DOCK3: variants seen among roughly 807,000 people sequenced by gnomAD.
DOCK3 encodes dedicator of cytokinesis 3, also known as dedicator of cytokinesis protein 3.
Under a neutral mutation model 265.6 loss-of-function variants are expected in DOCK3, and 60 were observed. The ratio of observed to expected loss-of-function variants is 0.23; its 90% CI spans 0.18 to 0.28. The LOEUF (loss-of-function observed/expected upper bound fraction) is 0.28, where lower values mean the gene tolerates loss of function less well. Ranked by LOEUF, DOCK3 falls within the 10% of genes least tolerant of loss-of-function variation. The pLI is 1.00. For synonymous variants in DOCK3, 881 were observed against 938.0 expected (o/e 0.94, Z 1.11); for missense variants, 1,981 against 2,594.3 (o/e 0.76, Z 5.14).
intron 26 of DOCK3, 123 bp from the exon 27 acceptor site, chr3:51,279,983 A>G (rs1330648057): frequency 2.7e-6 from 2 of 738,170 alleles, no homozygotes; most frequent in Non-Finnish European, 4.5e-6. Flanking sequence ...TAGATTTGTC[A>G]TCTTTCTTCC....
chr3:50,911,548 G>T (rs2049853953), intron 4 of DOCK3, among the ~76,000 whole-genome samples: 2 of 151,940 alleles, frequency 1.3e-5, no homozygotes, highest in Admixed American at 1.3e-4. Flanking sequence ...ATGTTGTTTT[G>T]GTTACTGTGG....
chr3:51,229,642 T>C, intron 19 of DOCK3, 33 bp downstream of exon 19: 1 of 1,515,136 alleles, frequency 6.6e-7, no homozygotes, highest in Non-Finnish European at 8.9e-7. Context: ...ACATACTGCA[T>C]GAGGAAGAAT....
chr3:50,706,635 T>C (rs2036430777), intron 1 of DOCK3, among the ~76,000 whole-genome samples: 1 of 152,206 alleles, frequency 6.6e-6, no homozygotes, highest in African/African-American at 2.4e-5. Context: ...GTGTTTGTCT[T>C]TCGCAAGACT....
intron 3 of DOCK3, among the ~76,000 whole-genome samples, chr3:50,874,066 G>GTTTTTTTTTTTTTTTTTTTTTT (rs3043436): frequency 9.4e-6 from 1 of 106,228 alleles, no homozygotes; most frequent in African/African-American, 3.2e-5. Context: ...CTTTTCTTTT[G>GTTTTTTTTTTTTTTTTTTTTTT]TTTTTTTTTT....
At chr3:51,305,733 C>CATGTGT (rs760662613) in intron 27 of DOCK3, among the ~76,000 whole-genome samples, 14 of 135,624 alleles carry the variant, frequency 1.0e-4, no homozygotes, top group East Asian at 4.9e-4. Flanking sequence ...TGTGTGTGTG[C>CATGTGT]GCGTGTGTGT....
intron 1 of DOCK3, among the ~76,000 whole-genome samples, chr3:50,755,867 T>G (rs1330140019): frequency 6.6e-6 from 1 of 152,246 alleles, no homozygotes; most frequent in Non-Finnish European, 1.5e-5. Flanking sequence ...ACTAATAATA[T>G]TCCACTGTAT....
intron 5 of DOCK3, among the ~76,000 whole-genome samples, chr3:51,046,336 T>C (rs1454248635): frequency 6.6e-6 from 1 of 152,118 alleles, no homozygotes; most frequent in Non-Finnish European, 1.5e-5. Context: ...TATATGTTGT[T>C]TGTAAGAGAG....
At position 51,016,616 on chromosome 3, in the gene DOCK3, TTTA is replaced by T. The variant is rs1398729688; in HGVS notation, c.316-47830_316-47828del. ...TTATATATGATATATATATTATATA[TTTA>T]TATATATAATATATATGATATATAT... is the stretch of plus-strand genomic sequence containing the variant. On this transcript the variant is annotated intron_variant, in intron 5 of 52. Transcript: ENST00000266037. Among the ~76,000 whole-genome samples the T allele has an allele frequency of 3.8e-3, 229 of 60,396 alleles. 5 individuals are homozygous for T. Among genetic ancestry groups the T allele is most frequent in the Middle Eastern group, 0.025 (1 of 40 alleles). 39.6% of individuals were successfully genotyped at this position (60,396 alleles called of 152,430 possible).
At chr3:50,816,838 G>A (rs776946178) in intron 2 of DOCK3, among the ~76,000 whole-genome samples, 12 of 151,380 alleles carry the variant, frequency 7.9e-5, no homozygotes, top group South Asian at 4.2e-4. Flanking sequence ...GATCTCACCC[G>A]TCACCCAGGC....
intron 31 of DOCK3, among the ~76,000 whole-genome samples, chr3:51,313,817 G>C (rs1021530596): frequency 6.6e-6 from 1 of 152,096 alleles, no homozygotes; most frequent in Non-Finnish European, 1.5e-5. Flanking sequence ...CAACACTCTG[G>C]TTCCCTGTAT....
At chr3:50,927,345 C>T (rs1368778349) in intron 4 of DOCK3, among the ~76,000 whole-genome samples, 1 of 152,068 alleles carries the variant, frequency 6.6e-6, no homozygotes, top group African/African-American at 2.4e-5. Flanking sequence ...AAGATCTAGT[C>T]GTTTGATAGC....
At chr3:50,762,489 T>G (rs1027046672) in intron 1 of DOCK3, among the ~76,000 whole-genome samples, 1 of 152,148 alleles carries the variant, frequency 6.6e-6, no homozygotes, top group Non-Finnish European at 1.5e-5. Flanking sequence ...TTAAGAGAGA[T>G]AGGAAATATA....
chr3:50,991,386 A>G (rs953646361), intron 5 of DOCK3, among the ~76,000 whole-genome samples: 4 of 152,260 alleles, frequency 2.6e-5, no homozygotes, highest in Non-Finnish European at 4.4e-5. Flanking sequence ...GGCTCAAAAT[A>G]AAGGGATGGA....
chr3:51,314,916 C>G (rs2083284989), intron 31 of DOCK3, 64 bp from the exon 32 acceptor site: 4 of 1,506,222 alleles, frequency 2.7e-6, no homozygotes, highest in Middle Eastern at 3.6e-4. Context: ...GTTGTGGCCC[C>G]ATTTGGGAAT....
Position 50,909,641 on chromosome 3 carries a change from G to GTTTTTTTTTTT in DOCK3, c.218+19569_218+19579dup, listed in dbSNP as rs71633043. Among the ~76,000 whole-genome samples, 3 of 98,722 alleles carry GTTTTTTTTTTT rather than the reference G, an allele frequency of 3.0e-5. 1 individual carries two copies. The Admixed American group carries it at 3.8e-4, about 13-fold the overall frequency. The allele number at this position is 98,722 out of a possible 152,430, so 64.8% of individuals were successfully genotyped here. A position where few individuals can be genotyped will look rare whatever the true frequency, so the allele number is the denominator to read the frequency against. On this transcript the variant is annotated intron_variant, in intron 4 of 52. Coordinates refer to ENST00000266037, the MANE Select transcript of DOCK3 (RefSeq NM_004947.5). Reference sequence around the variant, plus strand: ...TCTTTTTTCTCTGGCTACCCTTAACGTTTTTTTTTTTTTTTTTTTCATTTT... The same window carrying GTTTTTTTTTTT: ...TCTTTTTTCTCTGGCTACCCTTAACGTTTTTTTTTTTTTTTTTTTTTTTTTTTTTTCATTTT...
At chr3:50,868,921 TTTTTTG>T in intron 3 of DOCK3, among the ~76,000 whole-genome samples, 1 of 149,030 alleles carries the variant, frequency 6.7e-6, no homozygotes, top group Non-Finnish European at 1.5e-5. Flanking sequence ...TTTTTTTTTT[TTTTTTG>T]GTCTGACTAA....
At chr3:50,737,813 T>C (rs1238891872) in intron 1 of DOCK3, among the ~76,000 whole-genome samples, 16 of 152,234 alleles carry the variant, frequency 1.1e-4, no homozygotes. Flanking sequence ...ATTTTCCTTA[T>C]TTCATTCAGT....
chr3:51,074,294 A>G (rs1296851822), intron 6 of DOCK3, among the ~76,000 whole-genome samples: 4 of 152,186 alleles, frequency 2.6e-5, no homozygotes, highest in Admixed American at 6.5e-5. Context: ...CTACAACCCT[A>G]TAAACTCCAT....
chr3:50,810,905 TATTAC>T (rs1429363210), intron 2 of DOCK3, among the ~76,000 whole-genome samples: 21 of 152,226 alleles, frequency 1.4e-4, no homozygotes, highest in Admixed American at 1.4e-3. Flanking sequence ...GTTTCATGGT[TATTAC>T]ATTTGTCAAA....
Sources: allele counts gnomAD v4.1 joint callset (sites outside exome capture counted in the v4.1 genomes callset), GRCh38; gene constraint gnomAD v4.1.1; transcripts MANE v1.5; gene names NCBI Gene and HGNC (gene_info 2026-07-23, HGNC 2026-07-21).